RPAP2: variants seen among roughly 807,000 people sequenced by gnomAD.
RPAP2 encodes RNA polymerase II associated protein 2, also known as putative RNA polymerase II subunit B1 CTD phosphatase RPAP2.
In RPAP2, 52 loss-of-function variants were observed where a neutral mutation model predicts 73.1. That is an observed-to-expected ratio of 0.71 (90% CI 0.57 to 0.90). RPAP2 has a LOEUF of 0.90. RPAP2 is among the 40% of genes least tolerant of loss of function. The pLI is 0.00. For missense variants in RPAP2, 598 were observed against 701.8 expected (o/e 0.85, Z 1.67); for synonymous variants, 225 against 242.1 (o/e 0.93, Z 0.65).
At chr1:92,305,261 T>C (rs1283896449) in intron 5 of RPAP2, among the ~76,000 whole-genome samples, 1 of 151,460 alleles carries the variant, frequency 6.6e-6, no homozygotes, top group Non-Finnish European at 1.5e-5. Flanking sequence ...TGAAATCCCA[T>C]CTCTACTAAA....
chr1:92,339,672 G>A (rs1653494373), intron 10 of RPAP2, among the ~76,000 whole-genome samples: 1 of 151,730 alleles, frequency 6.6e-6, no homozygotes, highest in African/African-American at 2.4e-5. Context: ...TTCCGCCATA[G>A]AATTGATAAG....
chr1:92,300,059 A>T (rs1650700962), intron 1 of RPAP2, 135 bp from the exon 2 acceptor site: 2 of 629,714 alleles, frequency 3.2e-6, no homozygotes, highest in Non-Finnish European at 5.6e-6. Context: ...TAAGTACTGT[A>T]GGCAACTGTA....
intron 6 of RPAP2, among the ~76,000 whole-genome samples, chr1:92,315,162 T>A (rs1446299298): frequency 1.3e-5 from 2 of 152,152 alleles, no homozygotes; most frequent in Non-Finnish European, 2.9e-5. Flanking sequence ...CAGTGAGTCT[T>A]CCATTGTAAA....
intron 1 of RPAP2, 73 bp downstream of exon 1, chr1:92,299,219 G>A: frequency 1.1e-6 from 1 of 949,368 alleles, no homozygotes; most frequent in Non-Finnish European, 1.5e-6. Flanking sequence ...AGACCGCAGC[G>A]CGCGGGCGCT....
chr1:92,358,976 A>G (rs2101376564), intron 11 of RPAP2, among the ~76,000 whole-genome samples: 1 of 152,290 alleles, frequency 6.6e-6, no homozygotes, highest in South Asian at 2.1e-4. Flanking sequence ...CCACTCACCT[A>G]CCAAACTTCT....
chr1:92,371,319 A>ATATATATATATATATATATATATAT (rs1553155687), intron 11 of RPAP2, among the ~76,000 whole-genome samples: 1 of 61,730 alleles, frequency 1.6e-5, no homozygotes, highest in African/African-American at 7.2e-5. Flanking sequence ...AAAAAAAAAA[A>ATATATATATATATATATATATATAT]ATATATATAT....
rs1571159628 is a variant in RPAP2 at position 92,388,588 on chromosome 1, A to C, written c.*1577A>C. ...GCATCGCCTCACCTGGGAAGCGCCAAGGGGTCGGGGGATTTCCCTTTCCTA... is the reference window on the plus strand; with the variant it reads ...GCATCGCCTCACCTGGGAAGCGCCACGGGGTCGGGGGATTTCCCTTTCCTA... On this transcript the variant is annotated 3_prime_UTR_variant, in exon 13 of 13. Transcript: ENST00000610020. 6.6e-6 allele frequency: 1 copy of C among 152,224 alleles called. No homozygotes were observed. Among genetic ancestry groups the C allele is most frequent in the Non-Finnish European group, 1.5e-5 (1 of 68,084 alleles). 9.4% of individuals were successfully genotyped at this position (152,224 alleles called of 1,614,324 possible).
intron 3 of RPAP2, 105 bp downstream of exon 3, chr1:92,301,695 T>C: frequency 2.1e-6 from 1 of 471,022 alleles, no homozygotes; most frequent in East Asian, 3.5e-5. Flanking sequence ...TTGTTCTGAG[T>C]CATTAGATGC....
chr1:92,397,085 AG>A lies in RPAP2; in HGVS notation c.*10077del, dbSNP rs543276976. 55 of 152,324 alleles carry A rather than the reference AG, an allele frequency of 3.6e-4. No individual in the cohort carries two copies. Among genetic ancestry groups the A allele is most frequent in the Admixed American group, 1.9e-3 (29 of 15,286 alleles). The allele number at this position is 152,324 out of a possible 1,614,324, so 9.4% of individuals were successfully genotyped here. On this transcript the variant is annotated 3_prime_UTR_variant, in exon 13 of 13. Transcript: ENST00000610020. ...CTCTCTCTCTCTGACCTAGTGACCT[AG>A]GGTAAAGAGAAAAAGAAGCTAGCCA...
chr1:92,301,100 A>C (rs1193426709), intron 2 of RPAP2, among the ~76,000 whole-genome samples: 1 of 152,202 alleles, frequency 6.6e-6, no homozygotes, highest in Non-Finnish European at 1.5e-5. Context: ...TTAACCATAC[A>C]AAGAGTATAT....
intron 9 of RPAP2, among the ~76,000 whole-genome samples, chr1:92,335,684 C>G (rs1403170368): frequency 6.6e-6 from 1 of 152,026 alleles, no homozygotes. Flanking sequence ...TCACATCTAT[C>G]ATGAATATCT....
At position 92,324,311 on chromosome 1, in the gene RPAP2, G is replaced by A; in HGVS notation, c.1391G>A (p.Arg464Lys). The A allele has an allele frequency of 6.2e-7, 1 of 1,614,104 alleles. No individual in the cohort carries two copies. Among genetic ancestry groups the A allele is most frequent in the Non-Finnish European group, 8.5e-7 (1 of 1,179,990 alleles). The part of the protein sequence containing the change: ...KETEKLNLRI[R>K]EFYRGRYVLG... ...ACTGAAAAGTTAAATCTGAGGATCAGGGAGTTTTACAGAGGACGGTATGTT... is the reference window on the plus strand; with the variant it reads ...ACTGAAAAGTTAAATCTGAGGATCAAGGAGTTTTACAGAGGACGGTATGTT... Residue 464 changes from arginine (R) to lysine (K), a missense_variant, in exon 8 of 13, where the codon AGG (arginine) becomes AAG (lysine). Physicochemically the swap from Arg to Lys is conservative, Grantham distance 26. Coordinates refer to ENST00000610020, the MANE Select transcript of RPAP2 (RefSeq NM_024813.3).
chr1:92,389,847 A>G lies in RPAP2; in HGVS notation c.*2836A>G, dbSNP rs1655985692. ...AAGCGAGAGGACAAGATTAGAGAAA[A>G]AAGAGTGAAAAGAAATGAACAAAGC... On this transcript the variant is annotated 3_prime_UTR_variant, in exon 13 of 13. Transcript: ENST00000610020. 6.6e-6 allele frequency: 1 copy of G among 152,332 alleles called. No individual in the cohort carries two copies. Among genetic ancestry groups the G allele is most frequent in the Middle Eastern group, 3.4e-3 (1 of 294 alleles). 9.4% of individuals were successfully genotyped at this position (152,332 alleles called of 1,614,324 possible).
At chr1:92,351,210 G>A (rs113528503) in intron 11 of RPAP2, among the ~76,000 whole-genome samples, 7,161 of 150,020 alleles carry the variant, frequency 0.048, 585 homozygotes, top group African/African-American at 0.16. Context: ...GGGAGGCTGA[G>A]GCAGGAAAAC....
rs1387133254 is a variant in RPAP2, at chr1:92,380,733, A to T, written c.1698A>T (p.Pro566=). Residue 566 remains proline (P), a synonymous_variant, in exon 12 of 13, where the codon CCA becomes CCT. Coordinates refer to ENST00000610020, the MANE Select transcript of RPAP2 (RefSeq NM_024813.3). ...IAMVLLSLLT[P]ILGIQKHSQE... The stretch of plus-strand genomic sequence containing the variant: ...TTTTTGGTTGTTTCAGACTGACCCC[A>T]ATTCTTGGCATTCAGAAACATTCTC... 6.3e-7 allele frequency: 1 copy of T among 1,585,652 alleles called. No homozygotes were observed. Among genetic ancestry groups the T allele is most frequent in the African/African-American group, 1.4e-5 (1 of 72,948 alleles).
chr1:92,379,604 C>G (rs548323745), intron 11 of RPAP2, among the ~76,000 whole-genome samples: 5 of 152,104 alleles, frequency 3.3e-5, no homozygotes, highest in Non-Finnish European at 5.9e-5. Flanking sequence ...GTATGAAGTG[C>G]CTTACAAGAC....
rs1007619585 is a variant in RPAP2, at chr1:92,401,043, A to G, written c.*14032A>G. On this transcript the variant is annotated 3_prime_UTR_variant, in exon 13 of 13. Transcript: ENST00000610020. ...AGTGGGGCAAAGCCTCTATAAAGCC[A>G]TCAGATCTCATGAGAACTCACTATC... 3.3e-5 allele frequency: 5 copies of G among 152,194 alleles called. No homozygotes were observed. The highest frequency in any genetic ancestry group is 1.2e-4 in the African/African-American group (5 of 41,434). 9.4% of individuals were successfully genotyped at this position (152,194 alleles called of 1,614,324 possible).
chr1:92,315,807 G>A (rs1240750655), intron 6 of RPAP2, among the ~76,000 whole-genome samples: 2 of 152,118 alleles, frequency 1.3e-5, no homozygotes, highest in Admixed American at 6.5e-5. Flanking sequence ...GAGTAGATCC[G>A]TAATGTCATG....
intron 6 of RPAP2, among the ~76,000 whole-genome samples, chr1:92,317,310 C>T (rs961165878): frequency 6.6e-6 from 1 of 152,052 alleles, no homozygotes; most frequent in Non-Finnish European, 1.5e-5. Context: ...AATTCGAGAC[C>T]AGCCTGGCCA....
Sources: gnomAD v4.1 joint callset for allele counts (sites outside exome capture counted in the v4.1 genomes callset) on GRCh38, gnomAD v4.1.1 for gene constraint, MANE v1.5 for transcripts, NCBI Gene and HGNC (gene_info 2026-07-23, HGNC 2026-07-21) for gene names.